IL6R: variants seen among roughly 807,000 people sequenced by gnomAD.
The protein encoded by IL6R is interleukin 6 receptor.
IL6R carries 38 observed loss-of-function variants against 48.3 expected under a neutral mutation model. The ratio of observed to expected loss-of-function variants is 0.79; its 90% CI spans 0.61 to 1.03. The LOEUF (loss-of-function observed/expected upper bound fraction) is 1.03. Ranked by LOEUF, IL6R falls within the 50% of genes least tolerant of loss-of-function variation. The probability of loss-of-function intolerance (pLI) is 0.00; values close to 1 mark genes in which losing one functional copy is unlikely to be tolerated. For synonymous variants in IL6R, 264 were observed against 256.2 expected (o/e 1.03, Z -0.29); for missense variants, 534 against 618.3 (o/e 0.86, Z 1.45).
chr1:154,426,076 G>GACACAC (rs34280647), intron 1 of IL6R, among the ~76,000 whole-genome samples: 1,912 of 119,714 alleles, frequency 0.016, 54 homozygotes, highest in South Asian at 0.1. Context: ...CCCTGTATCA[G>GACACAC]ACACACACAC....
At chr1:154,415,781 C>G (rs1253004375) in intron 1 of IL6R, among the ~76,000 whole-genome samples, 1 of 152,050 alleles carries the variant, frequency 6.6e-6, no homozygotes, top group Non-Finnish European at 1.5e-5. Flanking sequence ...GAGTTTGAAA[C>G]CAGCATGACC....
intron 1 of IL6R, chr1:154,414,876 T>A (rs1224900722): frequency 3.8e-6 from 3 of 789,724 alleles, no homozygotes; most frequent in East Asian, 2.6e-5. Context: ...GGGGAAGCTG[T>A]TCCTTGTAAT....
chr1:154,458,943 A>C (rs544269580), intron 9 of IL6R, among the ~76,000 whole-genome samples: 1 of 152,120 alleles, frequency 6.6e-6, no homozygotes, highest in Admixed American at 6.5e-5. Context: ...GAATCAAACC[A>C]AAAACTCCTG....
chr1:154,423,566 A>G (rs1234924506), intron 1 of IL6R, among the ~76,000 whole-genome samples: 1 of 152,030 alleles, frequency 6.6e-6, no homozygotes, highest in East Asian at 1.9e-4. Context: ...GACTTTAGCA[A>G]GTATGTTTTC....
intron 5 of IL6R, 131 bp from the exon 6 acceptor site, chr1:154,435,838 G>C (rs542257903): frequency 2.8e-6 from 2 of 717,930 alleles, no homozygotes; most frequent in African/African-American, 3.6e-5. Flanking sequence ...AGAGCCTCTG[G>C]GGTTGTGGGA....
intron 3 of IL6R, among the ~76,000 whole-genome samples, chr1:154,432,728 C>G (rs576288581): frequency 2.0e-5 from 3 of 152,200 alleles, no homozygotes. Flanking sequence ...CGAGCAGCCT[C>G]GTGCCTTTGC....
Position 154,414,924 on chromosome 1 carries a change from G to A in IL6R, c.85+9210G>A, listed in dbSNP as rs112725034. 1,649 of 1,049,752 alleles carry A rather than the reference G, an allele frequency of 1.6e-3. 22 individuals are homozygous for A. In the African/African-American group the frequency reaches 0.023, roughly 15 times the overall value. 65.0% of individuals were successfully genotyped at this position (1,049,752 alleles called of 1,614,324 possible). A position where few individuals can be genotyped will look rare whatever the true frequency, so the allele number is the denominator to read the frequency against. On this transcript the variant is annotated intron_variant, in intron 1 of 9. Transcript: ENST00000368485. ...ATTTGAGCTGGGTCATGTGGCGCTG[G>A]AAGGAGGGGATGTCCTCGCATAGGA...
intron 6 of IL6R, among the ~76,000 whole-genome samples, chr1:154,436,478 C>T (rs1471529387): frequency 9.9e-5 from 15 of 152,158 alleles, no homozygotes; most frequent in Admixed American, 9.8e-4. Flanking sequence ...AACTCCGTCT[C>T]AAAACAAACA....
At chr1:154,416,345 A>C (rs375323013) in intron 1 of IL6R, among the ~76,000 whole-genome samples, 1 of 145,572 alleles carries the variant, frequency 6.9e-6, no homozygotes, top group East Asian at 2.0e-4. Context: ...GAGTTTTGCT[A>C]TGTTGCCTAG....
intron 6 of IL6R, among the ~76,000 whole-genome samples, chr1:154,441,715 C>CT (rs2149252798): frequency 6.6e-6 from 1 of 152,186 alleles, no homozygotes; most frequent in Non-Finnish European, 1.5e-5. Context: ...GTGGGGTGAG[C>CT]TTACCCACCC....
At chr1:154,410,576 T>C (rs1296069400) in intron 1 of IL6R, among the ~76,000 whole-genome samples, 5 of 152,336 alleles carry the variant, frequency 3.3e-5, no homozygotes, top group East Asian at 1.9e-4. Flanking sequence ...GTAGTTAATC[T>C]GTGTTCTTTA....
At chr1:154,421,714 G>A (rs765619489) in intron 1 of IL6R, among the ~76,000 whole-genome samples, 2 of 152,070 alleles carry the variant, frequency 1.3e-5, no homozygotes, top group African/African-American at 2.4e-5. Flanking sequence ...TGACCTCCTG[G>A]GCTCAAGTGA....
rs1202601778 is a variant in IL6R at position 154,467,040 on chromosome 1, C to G, written c.*1660C>G. The G allele has an allele frequency of 6.6e-6, 1 of 152,298 alleles. No individual in the cohort carries two copies. Among genetic ancestry groups the G allele is most frequent in the Admixed American group, 6.6e-5 (1 of 15,244 alleles). The allele number at this position is 152,298 out of a possible 1,614,324, so 9.4% of individuals were successfully genotyped here. A position where few individuals can be genotyped will look rare whatever the true frequency, so the allele number is the denominator to read the frequency against. ...GGGTGTCCGGTCCCTGTCCCAGTGC[C>G]GAGAAGGAAGCCTCCCACGACTGCC... On this transcript the variant is annotated 3_prime_UTR_variant, in exon 10 of 10. Transcript: ENST00000368485.
Position 154,465,416 on chromosome 1 carries a change from A to G in IL6R, c.*36A>G, listed in dbSNP as rs564815270. On this transcript the variant is annotated 3_prime_UTR_variant, in exon 10 of 10. Coordinates refer to ENST00000368485, the MANE Select transcript of IL6R (RefSeq NM_000565.4). Reference sequence around the variant, plus strand: ...GGCACCAGCAGCCTGGACCCTGTGGATGATAAAACACAAACGGGCTCAGCA... The same window carrying G: ...GGCACCAGCAGCCTGGACCCTGTGGGTGATAAAACACAAACGGGCTCAGCA... 5.6e-6 allele frequency: 9 copies of G among 1,611,146 alleles called. No homozygotes were observed. The African/African-American group carries it at 1.2e-4, about 21-fold the overall frequency.
In IL6R at chr1:154,416,068, A is replaced by C. The variant is rs192800835; in HGVS notation, c.85+10354A>C. Among the ~76,000 whole-genome samples, 446 of 152,308 alleles carry C rather than the reference A, an allele frequency of 2.9e-3. 3 individuals are homozygous for C. The highest frequency in any genetic ancestry group is 0.01 in the African/African-American group (422 of 41,572). ...AGTTCTGAACTTTCTAGTCTCTTCC[A>C]TAATTTGGTCTCCCTATTCATGTGC... On this transcript the variant is annotated intron_variant, in intron 1 of 9. Coordinates refer to ENST00000368485, the MANE Select transcript of IL6R (RefSeq NM_000565.4).
chr1:154,433,178 C>T (rs1689403050), intron 3 of IL6R, among the ~76,000 whole-genome samples: 1 of 152,210 alleles, frequency 6.6e-6, no homozygotes, highest in African/African-American at 2.4e-5. Context: ...GGCTTTAACT[C>T]AGCCTGGAAA....
chr1:154,419,295 C>A (rs138101055), intron 1 of IL6R, among the ~76,000 whole-genome samples: 2 of 152,162 alleles, frequency 1.3e-5, no homozygotes. Context: ...ATTATCACAT[C>A]AAAGCCAGGA....
intron 8 of IL6R, among the ~76,000 whole-genome samples, chr1:154,452,983 T>C (rs1191221580): frequency 6.6e-6 from 1 of 152,016 alleles, no homozygotes; most frequent in Non-Finnish European, 1.5e-5. Flanking sequence ...GGTGGGCGGA[T>C]CACCTAAGGT....
At chr1:154,438,232 C>T (rs868707164) in intron 6 of IL6R, among the ~76,000 whole-genome samples, 5 of 150,602 alleles carry the variant, frequency 3.3e-5, no homozygotes, top group Middle Eastern at 6.8e-3. Context: ...CCTGATAAAA[C>T]CACTTGAGAC....
Sources: gnomAD v4.1 joint callset for allele counts (sites outside exome capture counted in the v4.1 genomes callset) on GRCh38, gnomAD v4.1.1 for gene constraint, MANE v1.5 for transcripts, NCBI Gene and HGNC (gene_info 2026-07-23, HGNC 2026-07-21) for gene names.